The following PPM1H variants were observed in gnomAD, a reference collection of about 807,000 sequenced individuals.
PPM1H encodes the protein protein phosphatase, Mg2+/Mn2+ dependent 1H, also known as protein phosphatase 1H.
A neutral mutation model predicts 54.9 loss-of-function variants in PPM1H; 27 were observed. That is an observed-to-expected ratio of 0.49 (90% CI 0.36 to 0.68). The LOEUF (loss-of-function observed/expected upper bound fraction) is 0.68. Among genes scored for constraint, PPM1H ranks in the 30% least tolerant of loss-of-function variants. The pLI, the probability that PPM1H is intolerant of heterozygous loss-of-function variation, is 0.00. For synonymous variants in PPM1H, 305 were observed against 270.8 expected, an observed-to-expected ratio of 1.13 and a Z score of -1.24; for missense variants, 596 against 667.8, an observed-to-expected ratio of 0.89 and a Z score of 1.19.
chr12:62,780,938 C>T (rs1336792945), intron 4 of PPM1H, among the ~76,000 whole-genome samples: 1 of 152,216 alleles, frequency 6.6e-6, no homozygotes, highest in East Asian at 1.9e-4. Flanking sequence ...TTTCTAAGTG[C>T]AAATATTCTA....
intron 9 of PPM1H, among the ~76,000 whole-genome samples, chr12:62,652,908 T>A (rs962570184): frequency 6.6e-6 from 1 of 152,198 alleles, no homozygotes; most frequent in African/African-American, 2.4e-5. Context: ...TTTTAGTAAT[T>A]TTTTTAACAA....
chr12:62,772,556 C>A (rs2076585320), intron 4 of PPM1H, among the ~76,000 whole-genome samples: 1 of 152,110 alleles, frequency 6.6e-6, no homozygotes. Flanking sequence ...AGTGAAAGAG[C>A]AGCACCCCTA....
intron 1 of PPM1H, among the ~76,000 whole-genome samples, chr12:62,897,030 C>T (rs990625519): frequency 1.4e-5 from 2 of 143,078 alleles, no homozygotes; most frequent in Admixed American, 7.7e-5. Flanking sequence ...TATTCTCACT[C>T]GCAGGTGGGA....
intron 4 of PPM1H, among the ~76,000 whole-genome samples, chr12:62,766,041 G>T (rs1166063435): frequency 1.3e-5 from 2 of 152,214 alleles, no homozygotes; most frequent in African/African-American, 2.4e-5. Flanking sequence ...CTGCCAGATG[G>T]GTGCCAATGC....
At chr12:62,755,830 C>T (rs566724317) in intron 4 of PPM1H, 71 of 811,280 alleles carry the variant, frequency 8.8e-5, no homozygotes, top group African/African-American at 7.0e-4. Context: ...ACAGCCACGG[C>T]GCTCTCCAGA....
intron 2 of PPM1H, among the ~76,000 whole-genome samples, chr12:62,810,155 T>C (rs1432840612): frequency 6.6e-6 from 1 of 152,194 alleles, no homozygotes; most frequent in African/African-American, 2.4e-5. Context: ...ATGGTTTTTA[T>C]TTTTTCAAAG....
chr12:62,864,542 AGTTACTTTTAT>A (rs1489792570), intron 1 of PPM1H, among the ~76,000 whole-genome samples: 12 of 152,334 alleles, frequency 7.9e-5, no homozygotes, highest in African/African-American at 2.9e-4. Flanking sequence ...AGAACAACCA[AGTTACTTTTAT>A]GTTGCAGGAA....
At chr12:62,884,825 C>T (rs1870529214) in intron 1 of PPM1H, among the ~76,000 whole-genome samples, 1 of 152,098 alleles carries the variant, frequency 6.6e-6, no homozygotes, top group Non-Finnish European at 1.5e-5. Context: ...AAGGTGTCGG[C>T]ACATCAAGGT....
intron 1 of PPM1H, among the ~76,000 whole-genome samples, chr12:62,901,548 C>T (rs1871163824): frequency 6.6e-6 from 1 of 152,150 alleles, no homozygotes; most frequent in African/African-American, 2.4e-5. Context: ...AAATTATATA[C>T]GTCTTTATAG....
intron 4 of PPM1H, among the ~76,000 whole-genome samples, chr12:62,784,513 G>A (rs963047787): frequency 4.6e-5 from 7 of 151,932 alleles, no homozygotes; most frequent in Admixed American, 2.6e-4. Flanking sequence ...TTTTACTCTC[G>A]AAACTGTCAA....
At chr12:62,916,022 C>G (rs1188366522) in intron 1 of PPM1H, among the ~76,000 whole-genome samples, 1 of 152,192 alleles carries the variant, frequency 6.6e-6, no homozygotes, top group Admixed American at 6.5e-5. Flanking sequence ...AATTAACCAG[C>G]CTGTGCCCAT....
chr12:62,752,677 C>T (rs1592580215), intron 4 of PPM1H, among the ~76,000 whole-genome samples: 1 of 152,134 alleles, frequency 6.6e-6, no homozygotes, highest in African/African-American at 2.4e-5. Context: ...CATGCCAAAT[C>T]CCCTTTTCCT....
chr12:62,912,517 T>C (rs137880949), intron 1 of PPM1H, among the ~76,000 whole-genome samples: 223 of 152,132 alleles, frequency 1.5e-3, no homozygotes, highest in Non-Finnish European at 2.5e-3. Context: ...AAGTTGAGAA[T>C]TGGTGAGCAG....
At chr12:62,669,994 T>TTTTTTTTTTTA (rs2075946806) in intron 8 of PPM1H, among the ~76,000 whole-genome samples, 2 of 145,418 alleles carry the variant, frequency 1.4e-5, no homozygotes, top group African/African-American at 5.2e-5. Context: ...TTTTTTTTTT[T>TTTTTTTTTTTA]GAGACGGAGT....
At chr12:62,882,066 C>T (rs1870415973) in intron 1 of PPM1H, among the ~76,000 whole-genome samples, 1 of 152,152 alleles carries the variant, frequency 6.6e-6, no homozygotes, top group Non-Finnish European at 1.5e-5. Flanking sequence ...CAAAGTAAGT[C>T]AAATACTGGA....
At chr12:62,897,104 G>A (rs868785784) in intron 1 of PPM1H, among the ~76,000 whole-genome samples, 14 of 123,612 alleles carry the variant, frequency 1.1e-4, no homozygotes, top group Admixed American at 4.6e-4. Flanking sequence ...CTGTTGCGGG[G>A]TGGGGGGAGG....
intron 2 of PPM1H, 70 bp from the exon 3 acceptor site, chr12:62,802,230 G>A: frequency 1.6e-6 from 2 of 1,268,816 alleles, no homozygotes; most frequent in Non-Finnish European, 2.1e-6. Flanking sequence ...ACAGATTGTG[G>A]GACATCTATG....
chr12:62,701,245 G>A (rs190773662), intron 6 of PPM1H, among the ~76,000 whole-genome samples: 15 of 152,192 alleles, frequency 9.9e-5, no homozygotes, highest in Non-Finnish European at 1.6e-4. Flanking sequence ...ATGCTGTTCC[G>A]GCTGATGCTC....
chr12:62,924,583 T>C (rs1358426729), intron 1 of PPM1H, among the ~76,000 whole-genome samples: 1 of 152,218 alleles, frequency 6.6e-6, no homozygotes, highest in African/African-American at 2.4e-5. Context: ...TCTTATTTTT[T>C]CTAAGCTTTT....
Sources: gnomAD v4.1 joint callset for allele counts (sites outside exome capture counted in the v4.1 genomes callset) on GRCh38, gnomAD v4.1.1 for gene constraint, MANE v1.5 for transcripts, NCBI Gene and HGNC (gene_info 2026-07-23, HGNC 2026-07-21) for gene names.